The following FAM110B variants were observed in gnomAD, a reference collection of about 807,000 sequenced individuals.
The protein encoded by FAM110B is protein FAM110B.
FAM110B carries 6 observed loss-of-function variants against 20.4 expected under a neutral mutation model. That is an observed-to-expected ratio of 0.29 (90% CI 0.16 to 0.58). The LOEUF (loss-of-function observed/expected upper bound fraction) is 0.58, where lower values mean the gene tolerates loss of function less well. Among genes scored for constraint, FAM110B ranks in the 20% least tolerant of loss-of-function variants. The pLI, the probability that FAM110B is intolerant of heterozygous loss-of-function variation, is 0.90. For missense variants in FAM110B, 434 were observed against 498.2 expected (o/e 0.87, Z 1.23); for synonymous variants, 226 against 214.1 (o/e 1.06, Z -0.49).
chr8:58,050,348 A>T (rs1181224243), intron 2 of FAM110B, among the ~76,000 whole-genome samples: 2 of 152,206 alleles, frequency 1.3e-5, no homozygotes, highest in Non-Finnish European at 2.9e-5. Context: ...GCTGCATAAC[A>T]GATTTCCACA....
chr8:58,084,677 C>T lies in FAM110B; in HGVS notation c.-325+9054C>T, dbSNP rs563112228. Among the ~76,000 whole-genome samples, 240 of 152,220 alleles carry T rather than the reference C, an allele frequency of 1.6e-3. 1 individual carries two copies. The highest frequency in any genetic ancestry group is 3.1e-3 in the Non-Finnish European group (213 of 68,022). On this transcript the variant is annotated intron_variant, in intron 3 of 3. Coordinates refer to ENST00000519262, the MANE Select transcript of FAM110B (RefSeq NM_001377989.1). ...TGCTGGGATTATAGGCATGAGCCAC[C>T]GTGCCTGGTGAAATCTCCGTTTTTT...
At position 58,148,397 on chromosome 8, in the gene FAM110B, A is replaced by G. The variant is rs1250207567; in HGVS notation, c.*1054A>G. Reference sequence around the variant, plus strand: ...GAGCAGCGTGATTCTGTTGTCTTGCATATGTTATTCTCTCAGGCTGTGGAT... The same window carrying G: ...GAGCAGCGTGATTCTGTTGTCTTGCGTATGTTATTCTCTCAGGCTGTGGAT... On this transcript the variant is annotated 3_prime_UTR_variant, in exon 4 of 4. Coordinates refer to ENST00000519262, the MANE Select transcript of FAM110B (RefSeq NM_001377989.1). The G allele has an allele frequency of 6.0e-6, 1 of 167,072 alleles. No individual in the cohort carries two copies. Among genetic ancestry groups the G allele is most frequent in the Non-Finnish European group, 1.5e-5 (1 of 68,138 alleles). 10.3% of individuals were successfully genotyped at this position (167,072 alleles called of 1,614,324 possible). A position where few individuals can be genotyped will look rare whatever the true frequency, so the allele number is the denominator to read the frequency against.
At chr8:58,124,830 A>G (rs1807454387) in intron 3 of FAM110B, among the ~76,000 whole-genome samples, 1 of 152,238 alleles carries the variant, frequency 6.6e-6, no homozygotes, top group African/African-American at 2.4e-5. Context: ...CTCTGACTCT[A>G]GTTCCTCTAA....
intron 1 of FAM110B, among the ~76,000 whole-genome samples, chr8:57,996,877 A>G (rs936171169): frequency 5.9e-5 from 9 of 152,222 alleles, no homozygotes; most frequent in South Asian, 2.1e-4. Context: ...AATATTTTAG[A>G]GCAGGATTTA....
At chr8:58,058,471 T>A (rs1348979847) in intron 2 of FAM110B, among the ~76,000 whole-genome samples, 1 of 152,138 alleles carries the variant, frequency 6.6e-6, no homozygotes, top group African/African-American at 2.4e-5. Context: ...GCAAAAATAC[T>A]AGTTGAAAAC....
chr8:58,112,677 T>A (rs1050165332), intron 3 of FAM110B, among the ~76,000 whole-genome samples: 1 of 152,242 alleles, frequency 6.6e-6, no homozygotes, highest in African/African-American at 2.4e-5. Context: ...CCTGTTCCAG[T>A]TGAGTGCTGG....
At chr8:58,002,901 G>A (rs114549762) in intron 1 of FAM110B, among the ~76,000 whole-genome samples, 425 of 152,202 alleles carry the variant, frequency 2.8e-3, no homozygotes, top group African/African-American at 9.5e-3. Flanking sequence ...GGGTAGCTGT[G>A]GCAGTTTCTT....
intron 3 of FAM110B, among the ~76,000 whole-genome samples, chr8:58,127,047 A>C (rs76224199): frequency 3.9e-4 from 59 of 152,264 alleles, no homozygotes; most frequent in African/African-American, 1.4e-3. Context: ...AGTTGACTCT[A>C]TGATTTTGAG....
intron 3 of FAM110B, among the ~76,000 whole-genome samples, chr8:58,110,200 G>C (rs1020913188): frequency 6.6e-6 from 1 of 152,128 alleles, no homozygotes; most frequent in Non-Finnish European, 1.5e-5. Context: ...CCTCCAAGGC[G>C]CATGATTATA....
chr8:58,147,004 G>A lies in FAM110B; in HGVS notation c.774G>A (p.Arg258=), dbSNP rs1803883719. Residue 258 remains arginine, a synonymous_variant, in exon 4 of 4, where the codon CGG becomes CGA. Transcript: ENST00000519262. ...TCAGCCGAAGACCCTCCCTCCAGCGGTCTAAGTCAGACTTGAGTGACAGAT... is the reference window on the plus strand; with the variant it reads ...TCAGCCGAAGACCCTCCCTCCAGCGATCTAAGTCAGACTTGAGTGACAGAT... The part of the protein sequence containing the change: ...CGVSRRPSLQ[R]SKSDLSDRYF... 4 of 1,614,238 alleles carry A rather than the reference G, an allele frequency of 2.5e-6. No individual in the cohort carries two copies. The highest frequency in any genetic ancestry group is 4.5e-5 in the East Asian group (2 of 44,884).
intron 2 of FAM110B, among the ~76,000 whole-genome samples, chr8:58,068,022 C>T (rs1805807598): frequency 1.3e-5 from 2 of 152,214 alleles, no homozygotes; most frequent in Non-Finnish European, 1.5e-5. Flanking sequence ...TTCTACTAAA[C>T]AGGCATGAAA....
Position 58,012,373 on chromosome 8 carries a change from C to T in FAM110B, c.-512+17567C>T, listed in dbSNP as rs1413566107. 3.3e-5 allele frequency among the ~76,000 whole-genome samples: 5 copies of T among 151,582 alleles called. No homozygotes were observed. The East Asian group carries it at 7.7e-4, about 23-fold the overall frequency. On this transcript the variant is annotated intron_variant, in intron 1 of 3. Coordinates refer to ENST00000519262, the MANE Select transcript of FAM110B (RefSeq NM_001377989.1). ...TGGCTGGTAGTTGGTTGTGTTTAAA[C>T]TCTACACCGAGAAGATGGAAGTTAT...
intron 3 of FAM110B, among the ~76,000 whole-genome samples, chr8:58,139,199 G>C (rs1265498026): frequency 6.6e-6 from 1 of 152,188 alleles, no homozygotes; most frequent in African/African-American, 2.4e-5. Flanking sequence ...ATATTATTAG[G>C]AAAAGTCTGT....
chr8:57,999,979 A>G (rs141443087), intron 1 of FAM110B, among the ~76,000 whole-genome samples: 58 of 152,330 alleles, frequency 3.8e-4, no homozygotes, highest in African/African-American at 1.3e-3. Context: ...TTATTCATCA[A>G]ACTTCACCGA....
At chr8:58,037,622 G>A (rs191373860) in intron 2 of FAM110B, among the ~76,000 whole-genome samples, 71 of 152,064 alleles carry the variant, frequency 4.7e-4, no homozygotes, top group Admixed American at 8.5e-4. Flanking sequence ...GAGCGACAGA[G>A]TAAGACTCTG....
At chr8:57,998,410 G>A (rs1284593526) in intron 1 of FAM110B, among the ~76,000 whole-genome samples, 1 of 152,150 alleles carries the variant, frequency 6.6e-6, no homozygotes, top group African/African-American at 2.4e-5. Context: ...GGTTAAAGGA[G>A]GTTTATTCAT....
chr8:58,018,761 T>G (rs527533919), intron 1 of FAM110B, among the ~76,000 whole-genome samples: 26 of 152,228 alleles, frequency 1.7e-4, no homozygotes, highest in African/African-American at 4.6e-4. Context: ...TCCTTTGCAT[T>G]TTAGCCAAGG....
chr8:58,139,898 C>T (rs1181743976), intron 3 of FAM110B, among the ~76,000 whole-genome samples: 1 of 151,900 alleles, frequency 6.6e-6, no homozygotes, highest in Non-Finnish European at 1.5e-5. Context: ...CCACTGCACT[C>T]CAGCCTGGGC....
rs117501053 is a variant in FAM110B, at chr8:58,016,491, T to A, written c.-511-15115T>A. ...CTCAGCTCTTTGACTGGAGAGTTGATGCTACCTGCTGGTGGGAGCGGGGAG... is the reference window on the plus strand; with the variant it reads ...CTCAGCTCTTTGACTGGAGAGTTGAAGCTACCTGCTGGTGGGAGCGGGGAG... On this transcript the variant is annotated intron_variant, in intron 1 of 3. Transcript: ENST00000519262. Among the ~76,000 whole-genome samples the A allele has an allele frequency of 4.5e-3, 679 of 152,354 alleles. 5 individuals are homozygous for A. The highest frequency in any genetic ancestry group is 0.031 in the South Asian group (150 of 4,832).
Sources: allele counts gnomAD v4.1 joint callset (sites outside exome capture counted in the v4.1 genomes callset), GRCh38; gene constraint gnomAD v4.1.1; transcripts MANE v1.5; gene names NCBI Gene and HGNC (gene_info 2026-07-23, HGNC 2026-07-21).